Variants in PTPN13 observed in about 807,000 individuals in gnomAD.
PTPN13 encodes protein tyrosine phosphatase non-receptor type 13.
In PTPN13, 191 loss-of-function variants were observed where a neutral mutation model predicts 284.0. The observed-to-expected ratio is 0.67, with a 90% CI of 0.60 to 0.76. The LOEUF (loss-of-function observed/expected upper bound fraction) is 0.76, where lower values mean the gene tolerates loss of function less well. Among genes scored for constraint, PTPN13 ranks in the 30% least tolerant of loss-of-function variants. PTPN13 has a pLI of 0.00. For synonymous variants in PTPN13, 986 were observed against 1,022.3 expected (o/e 0.96, Z 0.68); for missense variants, 2,797 against 2,939.9 (o/e 0.95, Z 1.12).
intron 2 of PTPN13, among the ~76,000 whole-genome samples, chr4:86,669,757 G>A (rs1270616104): frequency 2.0e-5 from 3 of 152,108 alleles, no homozygotes; most frequent in Non-Finnish European, 4.4e-5. Flanking sequence ...ACAGGGCATA[G>A]CATTTAGGCT....
intron 7 of PTPN13, among the ~76,000 whole-genome samples, chr4:86,702,122 TCCA>T (rs1731231383): frequency 6.6e-6 from 1 of 152,212 alleles, no homozygotes; most frequent in South Asian, 2.1e-4. Flanking sequence ...GCTTAAATTC[TCCA>T]CCATACCGTC....
chr4:86,771,304 C>T lies in PTPN13; in HGVS notation c.4937C>T (p.Pro1646Leu). The change falls in exon 31 of 48, where the codon CCA becomes CTA. Residue 1646 changes from proline to leucine, a missense_variant. Physicochemically the swap from Pro to Leu is moderately conservative, Grantham distance 98 (BLOSUM62 -3). Transcript: ENST00000411767. ...AAAAGCAAAAAACAGTGCAAGTCCC[C>T]ATCCAGAAGAGACAGTTACAGTGAC... ...SDKSKKQCKS[P>L]SRRDSYSDSS... The T allele has an allele frequency of 6.2e-7, 1 of 1,602,266 alleles. No homozygotes were observed. Among genetic ancestry groups the T allele is most frequent in the East Asian group, 2.3e-5 (1 of 44,440 alleles).
At chr4:86,660,207 G>A (rs1726322249) in intron 2 of PTPN13, among the ~76,000 whole-genome samples, 1 of 152,116 alleles carries the variant, frequency 6.6e-6, no homozygotes, top group Non-Finnish European at 1.5e-5. Flanking sequence ...GGGTCGATCT[G>A]TTTATGAGAA....
intron 6 of PTPN13, 33 bp from the exon 7 acceptor site, chr4:86,701,208 G>A: frequency 2.1e-6 from 3 of 1,422,390 alleles, no homozygotes; most frequent in South Asian, 1.5e-5. Flanking sequence ...TCTAAAAATT[G>A]TGTGCATACA....
intron 2 of PTPN13, among the ~76,000 whole-genome samples, chr4:86,646,508 G>A (rs1244236110): frequency 1.3e-5 from 2 of 152,130 alleles, no homozygotes; most frequent in Non-Finnish European, 2.9e-5. Flanking sequence ...ATCTTGGCCA[G>A]GCTGGCCTGG....
In PTPN13 at chr4:86,795,806, A is replaced by G. The variant is rs186224535; in HGVS notation, c.6346-1068A>G. Among the ~76,000 whole-genome samples, 84 of 152,200 alleles carry G rather than the reference A, an allele frequency of 5.5e-4. 1 individual carries two copies. The East Asian group carries it at 0.01, about 19-fold the overall frequency. On this transcript the variant is annotated intron_variant, in intron 40 of 47. Coordinates refer to ENST00000411767, the MANE Select transcript of PTPN13 (RefSeq NM_080683.3). ...TCACAAGGACAGAAAACCAAACACC[A>G]CATGTTCTCACTCATAGGTGGGAGT...
intron 1 of PTPN13, among the ~76,000 whole-genome samples, chr4:86,619,108 A>C (rs1328644181): frequency 6.6e-6 from 1 of 152,234 alleles, no homozygotes; most frequent in Admixed American, 6.5e-5. Context: ...AATCAGTGGC[A>C]GAGAGCTACA....
At chr4:86,699,019 G>A (rs905014618) in intron 6 of PTPN13, among the ~76,000 whole-genome samples, 3 of 152,066 alleles carry the variant, frequency 2.0e-5, no homozygotes, top group African/African-American at 7.2e-5. Flanking sequence ...AAAATTATGA[G>A]GGGGGAATCC....
intron 3 of PTPN13, among the ~76,000 whole-genome samples, chr4:86,681,337 G>A (rs1253543207): frequency 6.6e-6 from 1 of 152,106 alleles, no homozygotes; most frequent in Non-Finnish European, 1.5e-5. Context: ...TTCAACCAGA[G>A]GCAGTTTTCT....
rs988082245 is a variant in PTPN13 at position 86,766,576 on chromosome 4, A to G, written c.4329+59A>G. On this transcript the variant is annotated intron_variant, in intron 27 of 47. Coordinates refer to ENST00000411767, the MANE Select transcript of PTPN13 (RefSeq NM_080683.3). ...CTTAGAAGAGCAAAACAATGTGTGA[A>G]TAACATCAGTTCTCATTGAGATCTC... 3 of 1,225,650 alleles carry G rather than the reference A, an allele frequency of 2.4e-6. No homozygotes were observed. In the Admixed American group the frequency reaches 8.6e-5, roughly 35 times the overall value. 75.9% of individuals were successfully genotyped at this position (1,225,650 alleles called of 1,614,324 possible).
chr4:86,764,418 A>G (rs1187802726), intron 24 of PTPN13, among the ~76,000 whole-genome samples, 175 bp from the exon 25 acceptor site: 1 of 152,106 alleles, frequency 6.6e-6, no homozygotes, highest in Non-Finnish European at 1.5e-5. Flanking sequence ...ATCCTTTAAT[A>G]TCTTGCTTTT....
chr4:86,739,682 T>A (rs1735937579), intron 15 of PTPN13, among the ~76,000 whole-genome samples: 1 of 152,156 alleles, frequency 6.6e-6, no homozygotes, highest in Non-Finnish European at 1.5e-5. Context: ...CCAACAGTTC[T>A]CCAAAGTCTT....
At chr4:86,704,179 C>T (rs957748769) in intron 7 of PTPN13, among the ~76,000 whole-genome samples, 2 of 151,990 alleles carry the variant, frequency 1.3e-5, no homozygotes, top group African/African-American at 2.4e-5. Flanking sequence ...AGCGAAACTC[C>T]GTCTCAAATA....
chr4:86,807,850 C>T lies in PTPN13; in HGVS notation c.7036C>T (p.Gln2346Ter). The T allele has an allele frequency of 6.2e-7, 1 of 1,613,960 alleles. No individual in the cohort carries two copies. Among genetic ancestry groups the T allele is most frequent in the Non-Finnish European group, 8.5e-7 (1 of 1,179,868 alleles). ...RLRLALVRMQ[Q>*]LKGFVVRAMT... Reference sequence around the variant, plus strand: ...TCGACTGGCTCTTGTGAGAATGCAGCAGCTGAAGGGCTTTGTGGTGAGGGC... The same window carrying T: ...TCGACTGGCTCTTGTGAGAATGCAGTAGCTGAAGGGCTTTGTGGTGAGGGC... Residue 2346 changes from glutamine to a stop codon, truncating the protein, a stop_gained, in exon 45 of 48, where the codon CAG (glutamine) becomes TAG (stop). Coordinates refer to ENST00000411767, the MANE Select transcript of PTPN13 (RefSeq NM_080683.3). LOFTEE classifies it high-confidence loss of function.
chr4:86,767,852 A>C lies in PTPN13; in HGVS notation c.4365A>C (p.Pro1455=). ...TGTTATTAGAAAAGGGACAATCTCC[A>C]ACATCTAAAGAACATGTCCCGGTAA... ...VHLLLEKGQS[P]TSKEHVPVTP... The change falls in exon 28 of 48, where the codon CCA becomes CCC. Residue 1455 remains proline (P), a synonymous_variant. Coordinates refer to ENST00000411767, the MANE Select transcript of PTPN13 (RefSeq NM_080683.3). 6.3e-7 allele frequency: 1 copy of C among 1,599,322 alleles called. No homozygotes were observed. Among genetic ancestry groups the C allele is most frequent in the Non-Finnish European group, 8.5e-7 (1 of 1,171,798 alleles).
intron 36 of PTPN13, among the ~76,000 whole-genome samples, chr4:86,781,594 T>G (rs2149307737): frequency 6.6e-6 from 1 of 152,362 alleles, no homozygotes; most frequent in African/African-American, 2.4e-5. Context: ...CTGTGATGGA[T>G]CACCCATTCA....
intron 1 of PTPN13, among the ~76,000 whole-genome samples, chr4:86,614,234 A>C (rs1382955295): frequency 6.6e-6 from 1 of 152,220 alleles, no homozygotes; most frequent in Non-Finnish European, 1.5e-5. Context: ...AAAACAACCC[A>C]AAATTACCCC....
In PTPN13 at chr4:86,699,802, T is replaced by C. The variant is rs72872225; in HGVS notation, c.635-1439T>C. 2.8e-3 allele frequency among the ~76,000 whole-genome samples: 425 copies of C among 152,312 alleles called. 4 individuals are homozygous for C. Among genetic ancestry groups the C allele is most frequent in the African/African-American group, 9.6e-3 (400 of 41,568 alleles). On this transcript the variant is annotated intron_variant, in intron 6 of 47. Coordinates refer to ENST00000411767, the MANE Select transcript of PTPN13 (RefSeq NM_080683.3). ...TATCAATTTTCAAGAATATCTCTGT[T>C]CTCTATTCAATAAAATTTTAAATTA...
intron 19 of PTPN13, among the ~76,000 whole-genome samples, chr4:86,752,694 C>A (rs1029856375): frequency 1.3e-5 from 2 of 152,254 alleles, no homozygotes; most frequent in Non-Finnish European, 2.9e-5. Flanking sequence ...TTCATTCTTA[C>A]TGAATAATGA....
Sources: allele counts gnomAD v4.1 joint callset (sites outside exome capture counted in the v4.1 genomes callset), GRCh38; gene constraint gnomAD v4.1.1; transcripts MANE v1.5; gene names NCBI Gene and HGNC (gene_info 2026-07-23, HGNC 2026-07-21).